The following TMEM82 variants were observed in gnomAD, a reference collection of about 807,000 sequenced individuals.
The protein encoded by TMEM82 is transmembrane protein 82.
In TMEM82, 30 loss-of-function variants were observed where a neutral mutation model predicts 29.2. The observed-to-expected ratio is 1.03, with a 90% CI of 0.77 to 1.39. The LOEUF (loss-of-function observed/expected upper bound fraction) is 1.39. Among genes scored for constraint, TMEM82 ranks in the 40% most tolerant of loss-of-function variants. The pLI is 0.00. For synonymous variants in TMEM82, 221 were observed against 225.4 expected, an observed-to-expected ratio of 0.98 and a Z score of 0.18; for missense variants, 442 against 447.7, an observed-to-expected ratio of 0.99 and a Z score of 0.12.
intron 4 of TMEM82, among the ~76,000 whole-genome samples, chr1:15,746,410 CAAAAAAA>C (rs761074645): frequency 1.5e-5 from 1 of 64,552 alleles, no homozygotes; most frequent in Non-Finnish European, 3.2e-5. Flanking sequence ...AAGACTGTCT[CAAAAAAA>C]AAAAAAAAAA....
intron 2 of TMEM82, 51 bp from the exon 3 acceptor site, chr1:15,742,969 G>T (rs775926849): frequency 1.9e-6 from 3 of 1,604,508 alleles, no homozygotes; most frequent in African/African-American, 1.3e-5. Flanking sequence ...CCCACCAGGG[G>T]TCGAAGGTGG....
In TMEM82 at chr1:15,747,876, C is replaced by T. The variant is rs2068350567; in HGVS notation, c.*244C>T. ...TGGGGTGGGCAATGATGCAGCCTCT[C>T]AGACCTGCCTTCCTGGGCAGGGGTG... On this transcript the variant is annotated 3_prime_UTR_variant, in exon 6 of 6. Transcript: ENST00000375782. 1 of 438,430 alleles carries T rather than the reference C, an allele frequency of 2.3e-6. No individual in the cohort carries two copies. The highest frequency in any genetic ancestry group is 4.0e-5 in the Admixed American group (1 of 25,148). 27.2% of individuals were successfully genotyped at this position (438,430 alleles called of 1,614,324 possible). A position where few individuals can be genotyped will look rare whatever the true frequency, so the allele number is the denominator to read the frequency against.
At chr1:15,747,461 G>A in intron 5 of TMEM82, 85 bp from the exon 6 acceptor site, 1 of 1,177,142 alleles carries the variant, frequency 8.5e-7, no homozygotes, top group Admixed American at 1.7e-5. Context: ...GGCCCAAGGG[G>A]GAGGAAGTGC....
chr1:15,747,146 G>A (rs528202905), intron 5 of TMEM82, 92 bp downstream of exon 5: 11 of 1,360,858 alleles, frequency 8.1e-6, no homozygotes, highest in Non-Finnish European at 1.1e-5. Flanking sequence ...AGAAGAGCCA[G>A]CTGGGCACGG....
At position 15,744,843 on chromosome 1, in the gene TMEM82, C is replaced by G. The variant is rs557948025; in HGVS notation, c.757+263C>G. On this transcript the variant is annotated intron_variant, in intron 4 of 5. Coordinates refer to ENST00000375782, the MANE Select transcript of TMEM82 (RefSeq NM_001013641.3). This position sits in a 1 kb window ranked among gnomAD's most constrained non-coding sequence, Gnocchi z 5.2. The stretch of plus-strand genomic sequence containing the variant: ...GGAACAGAATCTTGGACAGAGAGAA[C>G]CGCATGTGCCAATGCCCAGAGGGGA... Among the ~76,000 whole-genome samples the G allele has an allele frequency of 4.8e-4, 73 of 152,246 alleles. 1 individual carries two copies. The highest frequency in any genetic ancestry group is 4.8e-3 in the South Asian group (23 of 4,820).
chr1:15,744,022 CT>C lies in TMEM82; in HGVS notation c.337-137del. 1.3e-6 allele frequency: 1 copy of C among 760,002 alleles called. No individual in the cohort carries two copies. The highest frequency in any genetic ancestry group is 2.0e-6 in the Non-Finnish European group (1 of 488,388). The allele number at this position is 760,002 out of a possible 1,614,324, so 47.1% of individuals were successfully genotyped here. On this transcript the variant is annotated intron_variant, in intron 3 of 5. Transcript: ENST00000375782. This position sits in a 1 kb window ranked among gnomAD's most constrained non-coding sequence, Gnocchi z 5.2. ...AAATTAAGGTGAGAGAGATGATCCC[CT>C]AGGGCTTCATCTGAAGCCGATGTGG...
At chr1:15,743,313 G>C in intron 3 of TMEM82, 119 bp downstream of exon 3, 1 of 1,256,314 alleles carries the variant, frequency 8.0e-7, no homozygotes, top group East Asian at 2.6e-5. Context: ...CGTATTTTCC[G>C]TAAGACTGAG....
At position 15,747,068 on chromosome 1, in the gene TMEM82, T is replaced by A. The variant is rs757428335; in HGVS notation, c.945+14T>A. On this transcript the variant is annotated intron_variant, in intron 5 of 5. Transcript: ENST00000375782. ...TGCCAGATACAGGTGGGCACCCCCA[T>A]CCCATGTGTCCCCCAGACAATGAAC... The A allele has an allele frequency of 1.3e-6, 2 of 1,597,866 alleles. No homozygotes were observed. The highest frequency in any genetic ancestry group is 2.2e-5 in the South Asian group (2 of 90,922).
rs2068313914 is a variant in TMEM82, at chr1:15,744,049, C to T, written c.337-111C>T. ...AGGGCTTCATCTGAAGCCGATGTGG[C>T]CCCTTCGGGAACCATCCCCAAGGTC... On this transcript the variant is annotated intron_variant, in intron 3 of 5. Transcript: ENST00000375782. The surrounding 1 kb of genome is among the most constrained non-coding windows in gnomAD (Gnocchi z 5.2). The T allele has an allele frequency of 1.8e-6, 2 of 1,092,504 alleles. No homozygotes were observed. Among genetic ancestry groups the T allele is most frequent in the Non-Finnish European group, 2.5e-6 (2 of 789,906 alleles). The allele number at this position is 1,092,504 out of a possible 1,614,324, so 67.7% of individuals were successfully genotyped here. A position where few individuals can be genotyped will look rare whatever the true frequency, so the allele number is the denominator to read the frequency against.
rs745974595 is a variant in TMEM82, at chr1:15,743,164, G to C, written c.306G>C (p.Arg102=). The change falls in exon 3 of 6, where the codon CGG becomes CGC. Residue 102 remains arginine (R), a synonymous_variant. Coordinates refer to ENST00000375782, the MANE Select transcript of TMEM82 (RefSeq NM_001013641.3). The stretch of plus-strand genomic sequence containing the variant: ...TCGTGGTGCTCGAGTTCTCCCTCCG[G>C]GCCGTGTCCACGCTGCTGTCCCTGG... The part of the protein sequence containing the change: ...AALVVLEFSL[R]AVSTLLSLGK... The C allele has an allele frequency of 1.9e-6, 3 of 1,610,038 alleles. No individual in the cohort carries two copies. The highest frequency in any genetic ancestry group is 2.5e-6 in the Non-Finnish European group (3 of 1,179,858).
At position 15,747,125 on chromosome 1, in the gene TMEM82, G is replaced by T; in HGVS notation, c.945+71G>T. 3 of 1,523,238 alleles carry T rather than the reference G, an allele frequency of 2.0e-6. No homozygotes were observed. In the Admixed American group the frequency reaches 5.9e-5, roughly 30 times the overall value. The allele number at this position is 1,523,238 out of a possible 1,614,324, so 94.4% of individuals were successfully genotyped here. A position where few individuals can be genotyped will look rare whatever the true frequency, so the allele number is the denominator to read the frequency against. On this transcript the variant is annotated intron_variant, in intron 5 of 5. Transcript: ENST00000375782. ...TCAAACAGCCCAGGAGCCTCAAGAGGCTCAAGTTTAAGAAGAGCCAGCTGG... is the reference window on the plus strand; with the variant it reads ...TCAAACAGCCCAGGAGCCTCAAGAGTCTCAAGTTTAAGAAGAGCCAGCTGG...
chr1:15,744,238 C>T lies in TMEM82; in HGVS notation c.415C>T (p.Leu139=), dbSNP rs1193911494. Residue 139 remains leucine, a synonymous_variant, in exon 4 of 6, where the codon CTG becomes TTG. Transcript: ENST00000375782. This position sits in a 1 kb window ranked among gnomAD's most constrained non-coding sequence, Gnocchi z 5.2. ...GCTGGGCTGCGGGCTGACCTGTGGCCTGAGCTTCCTGCAGGAGGGCGCCCC... is the reference window on the plus strand; with the variant it reads ...GCTGGGCTGCGGGCTGACCTGTGGCTTGAGCTTCCTGCAGGAGGGCGCCCC... The part of the protein sequence containing the change: ...YSLGCGLTCG[L]SFLQEGAPHR... 1.6e-5 allele frequency: 25 copies of T among 1,586,308 alleles called. No homozygotes were observed. Among genetic ancestry groups the T allele is most frequent in the Non-Finnish European group, 2.0e-5 (24 of 1,171,370 alleles).
At chr1:15,743,435 C>CT (rs1301965988) in intron 3 of TMEM82, among the ~76,000 whole-genome samples, 1 of 152,240 alleles carries the variant, frequency 6.6e-6, no homozygotes, top group Admixed American at 6.5e-5. Context: ...TAGATCCGGC[C>CT]CCCCAAATGC....
At chr1:15,742,954 G>A (rs746417248) in intron 2 of TMEM82, 47 bp downstream of exon 2, 7 of 1,607,886 alleles carry the variant, frequency 4.4e-6, no homozygotes, top group South Asian at 2.2e-5. Context: ...GGGGGCACGG[G>A]GACCCCCACC....
intron 4 of TMEM82, among the ~76,000 whole-genome samples, chr1:15,745,481 T>G (rs112973880): frequency 0.082 from 12,168 of 149,166 alleles, 589 homozygotes; most frequent in African/African-American, 0.13. Flanking sequence ...ATCGAACCAC[T>G]GCACTCCAGC....
rs1461951917 is a variant in TMEM82 at position 15,747,069 on chromosome 1, C to A, written c.945+15C>A. On this transcript the variant is annotated intron_variant, in intron 5 of 5. Coordinates refer to ENST00000375782, the MANE Select transcript of TMEM82 (RefSeq NM_001013641.3). ...GCCAGATACAGGTGGGCACCCCCAT[C>A]CCATGTGTCCCCCAGACAATGAACC... The A allele has an allele frequency of 5.0e-6, 8 of 1,598,110 alleles. No individual in the cohort carries two copies. The highest frequency in any genetic ancestry group is 6.8e-6 in the Non-Finnish European group (8 of 1,171,734).
In TMEM82 at chr1:15,743,048, C is replaced by T. The variant is rs371995832; in HGVS notation, c.190C>T (p.Arg64Trp). The T allele has an allele frequency of 4.9e-5, 78 of 1,601,946 alleles. No homozygotes were observed. Among genetic ancestry groups the T allele is most frequent in the South Asian group, 6.7e-5 (6 of 89,554 alleles). The part of the protein sequence containing the change: ...NDPQRRPEKE[R>W]LRAQWASLET... Reference sequence around the variant, plus strand: ...CCCGCAGCGGCGACCCGAAAAGGAGCGGCTTCGGGCCCAGTGGGCCTCCCT... The same window carrying T: ...CCCGCAGCGGCGACCCGAAAAGGAGTGGCTTCGGGCCCAGTGGGCCTCCCT... Residue 64 changes from arginine (R) to tryptophan (W), a missense_variant, in exon 3 of 6, where the codon CGG (arginine) becomes TGG (tryptophan). By Grantham distance (101) the Arg-to-Trp change is moderately radical. Transcript: ENST00000375782.
chr1:15,745,533 A>AAGAGAGAGAGAGAGAAAGAG (rs201507087), intron 4 of TMEM82, among the ~76,000 whole-genome samples: 1 of 144,612 alleles, frequency 6.9e-6, no homozygotes, highest in Non-Finnish European at 1.5e-5. Flanking sequence ...GAAAGAGAGA[A>AAGAGAGAGAGAGAGAAAGAG]AGAGAGAGAG....
intron 3 of TMEM82, among the ~76,000 whole-genome samples, chr1:15,743,462 T>G (rs2068308548): frequency 6.6e-6 from 1 of 152,238 alleles, no homozygotes; most frequent in Admixed American, 6.5e-5. Flanking sequence ...CTGCGCCGAG[T>G]GCACCGTGTG....
Sources: gnomAD v4.1 joint callset for allele counts (sites outside exome capture counted in the v4.1 genomes callset) on GRCh38, gnomAD v4.1.1 for gene constraint, Gnocchi (gnomAD v3.1) non-coding constraint, MANE v1.5 for transcripts, NCBI Gene and HGNC (gene_info 2026-07-23, HGNC 2026-07-21) for gene names.